The following NCOA1 variants were observed in gnomAD, a reference collection of about 807,000 sequenced individuals.
NCOA1 encodes nuclear receptor coactivator 1.
Under a neutral mutation model 150.9 loss-of-function variants are expected in NCOA1, and 35 were observed. The ratio of observed to expected loss-of-function variants is 0.23; its 90% CI spans 0.18 to 0.31. The LOEUF (loss-of-function observed/expected upper bound fraction) is 0.31. NCOA1 is among the 10% of genes least tolerant of loss of function. The probability of loss-of-function intolerance (pLI) is 1.00; values close to 1 mark genes in which losing one functional copy is unlikely to be tolerated. For missense variants in NCOA1, 1,491 were observed against 1,749.3 expected (o/e 0.85, Z 2.63); for synonymous variants, 590 against 630.0 (o/e 0.94, Z 0.95).
At chr2:24,670,724 GTGA>G (rs1213480849) in intron 6 of NCOA1, among the ~76,000 whole-genome samples, 2 of 152,122 alleles carry the variant, frequency 1.3e-5, no homozygotes, top group African/African-American at 4.8e-5. Flanking sequence ...TTTTTGGGAG[GTGA>G]TGAGAATATT....
In NCOA1 at chr2:24,683,090, A is replaced by G. The variant is rs765776448; in HGVS notation, c.494A>G (p.His165Arg). ...TACAGCATACTGCACGTGGGGGATCATGCAGAATTTGTGAAGAATCTGCTA... is the reference window on the plus strand; with the variant it reads ...TACAGCATACTGCACGTGGGGGATCGTGCAGAATTTGTGAAGAATCTGCTA... ...SVYSILHVGD[H>R]AEFVKNLLPK... The change falls in exon 8 of 23, where the codon CAT (histidine) becomes CGT (arginine). Residue 165 changes from histidine to arginine, a missense_variant. His to Arg is a conservative substitution (Grantham distance 29, BLOSUM62 0). Coordinates refer to ENST00000348332, the MANE Select transcript of NCOA1 (RefSeq NM_003743.5). 2.5e-6 allele frequency: 4 copies of G among 1,580,148 alleles called. No individual in the cohort carries two copies. The highest frequency in any genetic ancestry group is 1.7e-6 in the Non-Finnish European group (2 of 1,168,876).
chr2:24,588,963 G>C (rs1667529930), intron 3 of NCOA1, among the ~76,000 whole-genome samples: 1 of 152,152 alleles, frequency 6.6e-6, no homozygotes, highest in African/African-American at 2.4e-5. Context: ...GCCGGAAGAA[G>C]AGTACCAGAC....
Position 24,707,941 on chromosome 2 carries a change from A to G in NCOA1, c.2418+53A>G, listed in dbSNP as rs914176487. On this transcript the variant is annotated intron_variant, in intron 13 of 22. Coordinates refer to ENST00000348332, the MANE Select transcript of NCOA1 (RefSeq NM_003743.5). ...GTCATTCTTAGTAATTTTTTTTTTC[A>G]TTTATTCTATTCCATCTGTAGACCA... 4.6e-6 allele frequency: 7 copies of G among 1,518,860 alleles called. No homozygotes were observed. In the African/African-American group the frequency reaches 9.9e-5, roughly 21 times the overall value. 94.1% of individuals were successfully genotyped at this position (1,518,860 alleles called of 1,614,324 possible). A position where few individuals can be genotyped will look rare whatever the true frequency, so the allele number is the denominator to read the frequency against.
At chr2:24,551,713 C>T (rs1036142644) in intron 1 of NCOA1, among the ~76,000 whole-genome samples, 1 of 152,114 alleles carries the variant, frequency 6.6e-6, no homozygotes, top group Admixed American at 6.5e-5. Flanking sequence ...AGTTTACCAA[C>T]CCCTGGGCTA....
intron 3 of NCOA1, among the ~76,000 whole-genome samples, chr2:24,620,251 T>G (rs1299639220): frequency 6.6e-6 from 1 of 152,234 alleles, no homozygotes; most frequent in Non-Finnish European, 1.5e-5. Context: ...ATTGCCAAAC[T>G]TTGTATAATT....
At chr2:24,719,601 T>TCTAG (rs1674256122) in intron 14 of NCOA1, among the ~76,000 whole-genome samples, 2 of 152,294 alleles carry the variant, frequency 1.3e-5, no homozygotes, top group Non-Finnish European at 2.9e-5. Flanking sequence ...ATTCACCTTT[T>TCTAG]CTAGCAAAGG....
At chr2:24,513,390 A>G (rs975570580) in intron 1 of NCOA1, among the ~76,000 whole-genome samples, 3 of 152,294 alleles carry the variant, frequency 2.0e-5, no homozygotes, top group South Asian at 2.1e-4. Flanking sequence ...ATGCTCTTGC[A>G]GTACCCTTTT....
chr2:24,632,820 A>G (rs1572517804), intron 3 of NCOA1, among the ~76,000 whole-genome samples: 1 of 152,214 alleles, frequency 6.6e-6, no homozygotes, highest in East Asian at 1.9e-4. Context: ...TAAGCATTAG[A>G]AAAGGGGAGC....
chr2:24,496,355 C>T (rs147622813), intron 1 of NCOA1, among the ~76,000 whole-genome samples: 7 of 152,250 alleles, frequency 4.6e-5, no homozygotes, highest in Admixed American at 2.6e-4. Flanking sequence ...AGAAATACTT[C>T]GCAAACTGTA....
At chr2:24,696,110 A>G (rs1397885811) in intron 10 of NCOA1, among the ~76,000 whole-genome samples, 4 of 152,218 alleles carry the variant, frequency 2.6e-5, no homozygotes, top group Non-Finnish European at 5.9e-5. Flanking sequence ...CTGTTCTTAA[A>G]TGACAAAATT....
intron 3 of NCOA1, among the ~76,000 whole-genome samples, chr2:24,629,617 A>G (rs1669597210): frequency 6.6e-6 from 1 of 150,668 alleles, no homozygotes; most frequent in Non-Finnish European, 1.5e-5. Flanking sequence ...AGGAGGATAT[A>G]ATGAATAATT....
At chr2:24,742,486 C>T (rs1052939343) in intron 19 of NCOA1, among the ~76,000 whole-genome samples, 2 of 151,680 alleles carry the variant, frequency 1.3e-5, no homozygotes, top group Non-Finnish European at 2.9e-5. Flanking sequence ...GATGCAGTCT[C>T]GCTCTGTTGT....
chr2:24,601,612 C>CTTTTTTTTTTTTTTTTTTTTT (rs112063269), intron 3 of NCOA1, among the ~76,000 whole-genome samples: 2 of 131,986 alleles, frequency 1.5e-5, no homozygotes, highest in Non-Finnish European at 1.6e-5. Flanking sequence ...CTCCTTCCTC[C>CTTTTTTTTTTTTTTTTTTTTT]TTTTTTTTTT....
chr2:24,571,185 G>A (rs999799482), intron 2 of NCOA1, among the ~76,000 whole-genome samples: 1 of 151,744 alleles, frequency 6.6e-6, no homozygotes, highest in Admixed American at 6.6e-5. Flanking sequence ...TTAGTTGATC[G>A]TGCAACTAGA....
chr2:24,687,632 GGAGA>G (rs910450561), intron 8 of NCOA1, among the ~76,000 whole-genome samples: 8 of 151,856 alleles, frequency 5.3e-5, no homozygotes, highest in Non-Finnish European at 8.8e-5. Context: ...CAAGGAGGCA[GGAGA>G]GAGAGAGAGC....
intron 17 of NCOA1, among the ~76,000 whole-genome samples, chr2:24,737,066 A>G (rs989642134): frequency 6.6e-6 from 1 of 152,146 alleles, no homozygotes; most frequent in Non-Finnish European, 1.5e-5. Context: ...TTCTTCTACA[A>G]CAAGCCTTTT....
In NCOA1 at chr2:24,728,674, C is replaced by G. The variant is rs1332230134; in HGVS notation, c.2886+198C>G. 3.3e-5 allele frequency among the ~76,000 whole-genome samples: 5 copies of G among 152,100 alleles called. No homozygotes were observed. In the South Asian group the frequency reaches 1.0e-3, roughly 32 times the overall value. ...AATTAGAATTAGAAATAAGTCTTAG[C>G]TTTTCACTATGGAACAGAATCTTAC... On this transcript the variant is annotated intron_variant, in intron 16 of 22. Transcript: ENST00000348332.
chr2:24,619,449 C>T (rs915964569), intron 3 of NCOA1, among the ~76,000 whole-genome samples: 3 of 152,216 alleles, frequency 2.0e-5, no homozygotes, highest in African/African-American at 4.8e-5. Flanking sequence ...ACTCTCTCAA[C>T]TACCCTTATC....
rs1342829893 is a variant in NCOA1, at chr2:24,724,795, G to A, written c.2600-1794G>A. Among the ~76,000 whole-genome samples, 4 of 151,924 alleles carry A rather than the reference G, an allele frequency of 2.6e-5. No individual in the cohort carries two copies. In the East Asian group the frequency reaches 5.8e-4, roughly 22 times the overall value. ...TATAATAATTAAGATTAGATTTCTT[G>A]AAATAAGATTGAGGAATTAACATGT... On this transcript the variant is annotated intron_variant, in intron 14 of 22. Transcript: ENST00000348332.
Sources: allele counts gnomAD v4.1 joint callset (sites outside exome capture counted in the v4.1 genomes callset), GRCh38; gene constraint gnomAD v4.1.1; transcripts MANE v1.5; gene names NCBI Gene and HGNC (gene_info 2026-07-23, HGNC 2026-07-21).